The following TSHZ3 variants were observed in gnomAD, a reference collection of about 807,000 sequenced individuals.
TSHZ3 encodes teashirt homolog 3.
Under a neutral mutation model 64.5 loss-of-function variants are expected in TSHZ3, and 10 were observed. The ratio of observed to expected loss-of-function variants is 0.16; its 90% CI spans 0.10 to 0.26. TSHZ3 has a LOEUF of 0.26. Among genes scored for constraint, TSHZ3 ranks in the 10% least tolerant of loss-of-function variants. The pLI is 1.00. For synonymous variants in TSHZ3, 608 were observed against 593.1 expected (o/e 1.03, Z -0.36); for missense variants, 1,242 against 1,421.7 (o/e 0.87, Z 2.03).
At chr19:31,202,254 A>ATTG (rs1975098591) in intron 5 of TSHZ3, among the ~76,000 whole-genome samples, 3 of 152,218 alleles carry the variant, frequency 2.0e-5, no homozygotes, top group African/African-American at 7.2e-5. Context: ...ATTCACAAAA[A>ATTG]AATAACAATT....
chr19:31,292,525 GAGCTATATCCA>G (rs1159960060), intron 1 of TSHZ3, among the ~76,000 whole-genome samples: 1 of 152,130 alleles, frequency 6.6e-6, no homozygotes, highest in Non-Finnish European at 1.5e-5. Flanking sequence ...AATACTAAAA[GAGCTATATCCA>G]AGGGGAAGGT....
intron 4 of TSHZ3, chr19:31,207,742 A>T (rs1975203226): frequency 6.6e-6 from 1 of 152,226 alleles, no homozygotes; most frequent in Admixed American, 6.5e-5. Context: ...GGCCAGATCG[A>T]TAGAGGAATT....
chr19:31,268,811 AT>A (rs1836891597), intron 1 of TSHZ3, among the ~76,000 whole-genome samples: 1 of 152,138 alleles, frequency 6.6e-6, no homozygotes, highest in African/African-American at 2.4e-5. Context: ...TGCTAGAGAG[AT>A]GAGCTCTGAG....
rs762767379 is a variant in TSHZ3, at chr19:31,279,298, G to A, written c.495C>T (p.Phe165=). The A allele has an allele frequency of 3.7e-6, 6 of 1,613,632 alleles. No homozygotes were observed. Among genetic ancestry groups the A allele is most frequent in the Non-Finnish European group, 5.1e-6 (6 of 1,179,836 alleles). Reference sequence around the variant, plus strand: ...TAGCCATGGCGCTCTGGTGCCAGTCGAAGCTCCCGCTGCCACAGCTGCTGC... The same window carrying A: ...TAGCCATGGCGCTCTGGTGCCAGTCAAAGCTCCCGCTGCCACAGCTGCTGC... ...SSSSSCGSGS[F]DWHQSAMAKT... The change falls in exon 2 of 2, where the codon TTC becomes TTT. Residue 165 remains phenylalanine, a synonymous_variant. Transcript: ENST00000240587. This position sits in a 1 kb window ranked among gnomAD's most constrained non-coding sequence, Gnocchi z 6.4.
chr19:31,330,902 C>T (rs1044878243), intron 1 of TSHZ3, among the ~76,000 whole-genome samples: 3 of 152,140 alleles, frequency 2.0e-5, no homozygotes, highest in African/African-American at 7.2e-5. Context: ...CAAAAACTGA[C>T]ATGCATGCTT....
At chr19:31,299,127 G>A (rs957423411) in intron 1 of TSHZ3, among the ~76,000 whole-genome samples, 9 of 152,168 alleles carry the variant, frequency 5.9e-5, no homozygotes, top group African/African-American at 1.9e-4. Flanking sequence ...CCCCAAGGGC[G>A]GAGGTTGCAG....
intron 1 of TSHZ3, among the ~76,000 whole-genome samples, chr19:31,314,782 C>T (rs1286308402): frequency 6.6e-6 from 1 of 152,126 alleles, no homozygotes; most frequent in African/African-American, 2.4e-5. Context: ...TGTCCACCTC[C>T]GGGGCTGTCT....
At position 31,278,983 on chromosome 19, in the gene TSHZ3, G is replaced by A. The variant is rs775613015; in HGVS notation, c.810C>T (p.Asp270=). The change falls in exon 2 of 2, where the codon GAC becomes GAT. Residue 270 remains aspartate, a synonymous_variant. Transcript: ENST00000240587. This position sits in a 1 kb window ranked among gnomAD's most constrained non-coding sequence, Gnocchi z 4.7. ...ACATGCACTTCAGCACCTTCTGGGC[G>A]TCTTCCTTCCCTTCCATTTCCAGCA... ...RSLLEMEGKE[D]AQKVLKCMYC... 8.4e-5 allele frequency: 136 copies of A among 1,613,932 alleles called. No homozygotes were observed. The highest frequency in any genetic ancestry group is 1.8e-4 in the South Asian group (16 of 91,072).
At chr19:31,288,294 A>G (rs1164882025) in intron 1 of TSHZ3, among the ~76,000 whole-genome samples, 1 of 152,176 alleles carries the variant, frequency 6.6e-6, no homozygotes, top group Non-Finnish European at 1.5e-5. Context: ...GCCAGAATCA[A>G]CTTCAACACA....
chr19:31,257,569 C>A (rs1975928426), intron 1 of TSHZ3, among the ~76,000 whole-genome samples: 1 of 152,192 alleles, frequency 6.6e-6, no homozygotes. Context: ...TCCAAATTAT[C>A]CACTCTGGAG....
chr19:31,264,714 T>C (rs969370417), intron 1 of TSHZ3, among the ~76,000 whole-genome samples: 1 of 151,994 alleles, frequency 6.6e-6, no homozygotes, highest in Admixed American at 6.6e-5. Flanking sequence ...GTTTTTCTTT[T>C]TTTTTTTTTT....
At chr19:31,207,583 A>G (rs1975199914) in intron 4 of TSHZ3, 1 of 152,196 alleles carries the variant, frequency 6.6e-6, no homozygotes, top group African/African-American at 2.4e-5. Flanking sequence ...ATAAGGGAAA[A>G]CTGAGACTGG....
At chr19:31,287,789 C>T (rs1460891558) in intron 1 of TSHZ3, among the ~76,000 whole-genome samples, 1 of 152,168 alleles carries the variant, frequency 6.6e-6, no homozygotes, top group African/African-American at 2.4e-5. Context: ...AGTTCTGGTA[C>T]AGAAGTGGCC....
At chr19:31,160,223 G>A (rs1047131241) in intron 5 of TSHZ3, among the ~76,000 whole-genome samples, 1 of 152,146 alleles carries the variant, frequency 6.6e-6, no homozygotes, top group African/African-American at 2.4e-5. Flanking sequence ...CAGCCAACAA[G>A]TAGGAGCACA....
intron 5 of TSHZ3, among the ~76,000 whole-genome samples, chr19:31,160,092 G>C (rs1457798309): frequency 6.6e-6 from 1 of 152,228 alleles, no homozygotes; most frequent in African/African-American, 2.4e-5. Context: ...GCCAGGCCTT[G>C]TGTTTAAATA....
At chr19:31,296,719 G>A (rs959561490) in intron 1 of TSHZ3, among the ~76,000 whole-genome samples, 14 of 152,204 alleles carry the variant, frequency 9.2e-5, no homozygotes, top group African/African-American at 3.4e-4. Context: ...ACTGGGCACC[G>A]TCAGCCTAGA....
chr19:31,260,301 T>C (rs1264191659), intron 1 of TSHZ3, among the ~76,000 whole-genome samples: 1 of 152,228 alleles, frequency 6.6e-6, no homozygotes, highest in Non-Finnish European at 1.5e-5. Flanking sequence ...CGTCTATGTC[T>C]GGTCATCTCT....
intron 6 of TSHZ3, among the ~76,000 whole-genome samples, chr19:31,154,723 T>C (rs979943161): frequency 6.6e-6 from 1 of 152,222 alleles, no homozygotes; most frequent in Non-Finnish European, 1.5e-5. Flanking sequence ...CGAGGTTCCA[T>C]CCCATCCTCC....
chr19:31,269,540 G>GA (rs35476834), intron 1 of TSHZ3, among the ~76,000 whole-genome samples: 18 of 145,742 alleles, frequency 1.2e-4, no homozygotes, highest in East Asian at 8.1e-4. Flanking sequence ...TCACATAAAG[G>GA]AAAAAAAAAA....
Sources: gnomAD v4.1 joint callset for allele counts (sites outside exome capture counted in the v4.1 genomes callset) on GRCh38, gnomAD v4.1.1 for gene constraint, Gnocchi (gnomAD v3.1) non-coding constraint, MANE v1.5 for transcripts, NCBI Gene and HGNC (gene_info 2026-07-23, HGNC 2026-07-21) for gene names.